MAGI1: variants seen among roughly 807,000 people sequenced by gnomAD.
MAGI1 encodes the protein membrane associated guanylate kinase, WW and PDZ domain containing 1, also known as membrane-associated guanylate kinase, WW and PDZ domain-containing protein 1.
In MAGI1, 58 loss-of-function variants were observed where a neutral mutation model predicts 139.9. The observed-to-expected ratio is 0.41, with a 90% CI of 0.34 to 0.52. The LOEUF is 0.52. Ranked by LOEUF, MAGI1 falls within the 20% of genes least tolerant of loss-of-function variation. The pLI, the probability that MAGI1 is intolerant of heterozygous loss-of-function variation, is 0.12. For synonymous variants in MAGI1, 812 were observed against 737.9 expected (o/e 1.10, Z -1.63); for missense variants, 1,874 against 1,901.6 (o/e 0.99, Z 0.27).
At chr3:65,887,797 T>TAC (rs573180777) in intron 1 of MAGI1, among the ~76,000 whole-genome samples, 8 of 152,310 alleles carry the variant, frequency 5.3e-5, no homozygotes, top group African/African-American at 1.7e-4. Context: ...GAGGATATGG[T>TAC]ACATTGCCCA....
chr3:65,441,801 C>A (rs1298731911), intron 8 of MAGI1, among the ~76,000 whole-genome samples: 4 of 152,088 alleles, frequency 2.6e-5, no homozygotes, highest in African/African-American at 9.7e-5. Context: ...TAGTACTGGC[C>A]AAGGACACTT....
At chr3:65,827,718 CT>C (rs2042303244) in intron 1 of MAGI1, among the ~76,000 whole-genome samples, 1 of 152,186 alleles carries the variant, frequency 6.6e-6, no homozygotes, top group Non-Finnish European at 1.5e-5. Flanking sequence ...AAGCTACAAA[CT>C]TTTGGCATGG....
intron 1 of MAGI1, among the ~76,000 whole-genome samples, chr3:65,771,497 A>C (rs951993977): frequency 1.3e-5 from 2 of 152,192 alleles, no homozygotes; most frequent in African/African-American, 4.8e-5. Context: ...TAAATAAAGA[A>C]AATTTTATAA....
At chr3:65,376,041 G>T in intron 17 of MAGI1, 96 bp from the exon 18 acceptor site, 1 of 874,298 alleles carries the variant, frequency 1.1e-6, no homozygotes, top group Non-Finnish European at 1.8e-6. Context: ...AAGGTTAAGT[G>T]TTAATAAATT....
chr3:65,544,496 C>T (rs1304370069), intron 2 of MAGI1, among the ~76,000 whole-genome samples: 1 of 152,132 alleles, frequency 6.6e-6, no homozygotes, highest in Non-Finnish European at 1.5e-5. Flanking sequence ...AGACTAGATG[C>T]TGTTAAGACA....
At chr3:65,508,375 GC>G (rs2077394978) in intron 2 of MAGI1, among the ~76,000 whole-genome samples, 1 of 151,938 alleles carries the variant, frequency 6.6e-6, no homozygotes, top group South Asian at 2.1e-4. Context: ...CTGCACTCCT[GC>G]CTGGGTGACA....
intron 1 of MAGI1, among the ~76,000 whole-genome samples, chr3:65,755,540 ACAGT>A (rs35578642): frequency 0.24 from 36,952 of 151,802 alleles, 5,089 homozygotes; most frequent in East Asian, 0.55. Flanking sequence ...TTTCTTCTAG[ACAGT>A]CTGTGATAGG....
At chr3:65,928,707 C>T (rs2062646356) in intron 1 of MAGI1, among the ~76,000 whole-genome samples, 1 of 152,052 alleles carries the variant, frequency 6.6e-6, no homozygotes, top group Non-Finnish European at 1.5e-5. Flanking sequence ...GGGTCAATGC[C>T]TTCTTTTAAA....
At chr3:65,976,284 C>A (rs13098504) in intron 1 of MAGI1, among the ~76,000 whole-genome samples, 2 of 152,010 alleles carry the variant, frequency 1.3e-5, no homozygotes, top group African/African-American at 4.8e-5. Context: ...ATTTTTTAAA[C>A]GGAGTGGGAT....
intron 1 of MAGI1, among the ~76,000 whole-genome samples, chr3:66,016,620 G>C (rs2067654829): frequency 6.6e-6 from 1 of 152,194 alleles, no homozygotes; most frequent in African/African-American, 2.4e-5. Context: ...CCCAGGGAAA[G>C]TCAGGCAAAA....
At chr3:65,664,166 A>C (rs2086369102) in intron 1 of MAGI1, among the ~76,000 whole-genome samples, 1 of 152,162 alleles carries the variant, frequency 6.6e-6, no homozygotes, top group Non-Finnish European at 1.5e-5. Context: ...GTCACCTAGG[A>C]TATTTCACAG....
At chr3:66,029,560 T>C (rs1559510093) in intron 1 of MAGI1, among the ~76,000 whole-genome samples, 2 of 152,216 alleles carry the variant, frequency 1.3e-5, no homozygotes, top group Non-Finnish European at 2.9e-5. Context: ...TCAGTCTGTT[T>C]AGGGGTGAGA....
chr3:65,705,298 T>G (rs2030001972), intron 1 of MAGI1, among the ~76,000 whole-genome samples: 1 of 145,602 alleles, frequency 6.9e-6, no homozygotes, highest in African/African-American at 2.7e-5. Context: ...GTGGTTAACA[T>G]TCAGTGGCAC....
At chr3:65,677,060 G>A (rs2087241107) in intron 1 of MAGI1, among the ~76,000 whole-genome samples, 1 of 152,046 alleles carries the variant, frequency 6.6e-6, no homozygotes, top group African/African-American at 2.4e-5. Flanking sequence ...TGGTGGAGAG[G>A]GACATACACG....
At chr3:65,401,117 G>A (rs1409762666) in intron 13 of MAGI1, among the ~76,000 whole-genome samples, 1 of 152,128 alleles carries the variant, frequency 6.6e-6, no homozygotes, top group Non-Finnish European at 1.5e-5. Context: ...AATAGCATTT[G>A]TATCAAGTGA....
intron 1 of MAGI1, among the ~76,000 whole-genome samples, chr3:65,772,403 C>T (rs2038029757): frequency 6.6e-6 from 1 of 150,894 alleles, no homozygotes; most frequent in Admixed American, 6.6e-5. Flanking sequence ...AGCTGTCCAT[C>T]ATGAGACCCT....
intron 2 of MAGI1, among the ~76,000 whole-genome samples, chr3:65,607,446 A>G (rs1218882072): frequency 6.6e-6 from 1 of 152,064 alleles, no homozygotes; most frequent in African/African-American, 2.4e-5. Flanking sequence ...TGACCATTAC[A>G]CATCACAGCA....
intron 13 of MAGI1, among the ~76,000 whole-genome samples, 157 bp downstream of exon 13, chr3:65,401,282 T>A (rs1029682887): frequency 1.7e-4 from 26 of 152,012 alleles, no homozygotes; most frequent in Middle Eastern, 3.4e-3. Flanking sequence ...AACAAACAGA[T>A]CCCCAGAACT....
chr3:65,830,499 A>G (rs1200298544), intron 1 of MAGI1, among the ~76,000 whole-genome samples: 1 of 152,206 alleles, frequency 6.6e-6, no homozygotes, highest in East Asian at 1.9e-4. Context: ...GTTTAAATCA[A>G]TGCTAAGTTA....
Sources: allele counts gnomAD v4.1 joint callset (sites outside exome capture counted in the v4.1 genomes callset), GRCh38; gene constraint gnomAD v4.1.1; transcripts MANE v1.5; gene names NCBI Gene and HGNC (gene_info 2026-07-23, HGNC 2026-07-21).